The following CPEB2 variants were observed in gnomAD, a reference collection of about 807,000 sequenced individuals.
The protein encoded by CPEB2 is cytoplasmic polyadenylation element-binding protein 2.
In CPEB2, 56 loss-of-function variants were observed where a neutral mutation model predicts 93.6. That is an observed-to-expected ratio of 0.60 (90% CI 0.48 to 0.75). The LOEUF (loss-of-function observed/expected upper bound fraction) is 0.75, where lower values mean the gene tolerates loss of function less well. Among genes scored for constraint, CPEB2 ranks in the 30% least tolerant of loss-of-function variants. CPEB2 has a pLI of 0.00. For missense variants in CPEB2, 1,579 were observed against 1,395.1 expected, an observed-to-expected ratio of 1.13 and a Z score of -2.10; for synonymous variants, 764 against 586.3, an observed-to-expected ratio of 1.30 and a Z score of -4.38.
At position 15,003,794 on chromosome 4, in the gene CPEB2, CGCCGCT is replaced by C. The variant is rs1722365534; in HGVS notation, c.1125_1130del (p.Leu376_Pro377del). 1 of 1,052,530 alleles carries C rather than the reference CGCCGCT, an allele frequency of 9.5e-7. No homozygotes were observed. The highest frequency in any genetic ancestry group is 1.2e-6 in the Non-Finnish European group (1 of 838,708). The allele number at this position is 1,052,530 out of a possible 1,614,324, so 65.2% of individuals were successfully genotyped here. ...GGGGGAGGCGGCTCCGCGTCGCCGC[CGCCGCT>C]GCCCGGCTTCGGCACCCCCTGGTCG... On this transcript the variant is annotated inframe_deletion, in exon 1 of 12. Transcript: ENST00000538197.
At chr4:15,038,850 A>G (rs1304892582) in intron 5 of CPEB2, among the ~76,000 whole-genome samples, 2 of 152,016 alleles carry the variant, frequency 1.3e-5, no homozygotes, top group Non-Finnish European at 2.9e-5. Flanking sequence ...CAGCTTCCCA[A>G]AGTGCTGGGA....
intron 4 of CPEB2, among the ~76,000 whole-genome samples, chr4:15,031,789 T>C (rs934720052): frequency 1.3e-5 from 2 of 152,202 alleles, no homozygotes; most frequent in African/African-American, 4.8e-5. Context: ...AATTGGATTA[T>C]TTTTGCCACT....
chr4:15,011,884 T>C (rs1723535740), intron 3 of CPEB2, among the ~76,000 whole-genome samples: 1 of 152,190 alleles, frequency 6.6e-6, no homozygotes, highest in African/African-American at 2.4e-5. Context: ...TTTTTGCTCT[T>C]CCACAAGCTC....
intron 3 of CPEB2, among the ~76,000 whole-genome samples, chr4:15,015,721 G>A (rs1418313190): frequency 6.6e-6 from 1 of 151,922 alleles, no homozygotes; most frequent in African/African-American, 2.4e-5. Flanking sequence ...GTACACACTA[G>A]TCCCCCCTTA....
chr4:15,052,549 T>C lies in CPEB2; in HGVS notation c.2336T>C (p.Val779Ala). 6.4e-7 allele frequency: 1 copy of C among 1,559,228 alleles called. No individual in the cohort carries two copies. The highest frequency in any genetic ancestry group is 1.2e-5 in the South Asian group (1 of 83,628). ...GERIERFSRK[V>A]FVGGLPPDID... ...CGAATAGAACGCTTCTCTCGAAAAGTTTTTGTTGGTGGTCTTCCTCCAGAT... is the reference window on the plus strand; with the variant it reads ...CGAATAGAACGCTTCTCTCGAAAAGCTTTTGTTGGTGGTCTTCCTCCAGAT... Residue 779 changes from valine to alanine, a missense_variant, in exon 7 of 12, where the codon GTT (valine) becomes GCT (alanine). Val to Ala is a moderately conservative substitution (Grantham distance 64). Around this residue, in one of 2 missense-constraint regions of CPEB2, gnomAD observed 168 missense variants for 339.1 expected, o/e 0.50. Transcript: ENST00000538197.
intron 4 of CPEB2, among the ~76,000 whole-genome samples, chr4:15,019,192 AAAG>A (rs1273046551): frequency 7.2e-5 from 11 of 151,782 alleles, no homozygotes; most frequent in African/African-American, 2.4e-4. Flanking sequence ...AGTAGAGAAA[AAAG>A]AAAAAAATCG....
chr4:15,004,725 G>T (rs1001354220), intron 1 of CPEB2, among the ~76,000 whole-genome samples: 1 of 151,868 alleles, frequency 6.6e-6, no homozygotes, highest in African/African-American at 2.4e-5. Context: ...CCCGGGATCC[G>T]CCCTGTGCCC....
At chr4:15,045,033 A>T (rs1427456041) in intron 6 of CPEB2, among the ~76,000 whole-genome samples, 2 of 152,192 alleles carry the variant, frequency 1.3e-5, no homozygotes, top group East Asian at 3.8e-4. Flanking sequence ...ATAGTTAAGA[A>T]TATCTCCTGT....
intron 4 of CPEB2, among the ~76,000 whole-genome samples, chr4:15,030,497 T>C (rs1232138676): frequency 6.6e-6 from 1 of 152,138 alleles, no homozygotes. Context: ...ATAGAAAAGC[T>C]CCTGGCTCAG....
rs1298999024 is a variant in CPEB2 at position 15,066,334 on chromosome 4, A to G, written c.3059A>G (p.Lys1020Arg). ...CGTGAGTTCCATAAGCCATTGGTAAAGGAAGGTGCTGATCGCCCACGTCAG... is the reference window on the plus strand; with the variant it reads ...CGTGAGTTCCATAAGCCATTGGTAAGGGAAGGTGCTGATCGCCCACGTCAG... The part of the protein sequence containing the change: ...AGREFHKPLV[K>R]EGADRPRQIH... Residue 1020 changes from lysine to arginine, a missense_variant, in exon 12 of 12, where the codon AAG (lysine) becomes AGG (arginine). Coordinates refer to ENST00000538197, the MANE Select transcript of CPEB2 (RefSeq NM_001177382.2). The G allele has an allele frequency of 6.2e-7, 1 of 1,613,034 alleles. No individual in the cohort carries two copies.
At position 15,003,999 on chromosome 4, in the gene CPEB2, C is replaced by T. The variant is rs1722415001; in HGVS notation, c.1326C>T (p.Ser442=). The T allele has an allele frequency of 1.3e-6, 2 of 1,543,986 alleles. No individual in the cohort carries two copies. Among genetic ancestry groups the T allele is most frequent in the East Asian group, 2.7e-5 (1 of 36,948 alleles). Residue 442 remains serine, a synonymous_variant, in exon 1 of 12, where the codon AGC becomes AGT. Transcript: ENST00000538197. ...CGCTCAGCGCCATGCCGCCGCCCAG[C>T]CCCGACTCAGAGAACGGCTTCTACC... The part of the protein sequence containing the change: ...GGSLSAMPPP[S]PDSENGFYPG...
In CPEB2 at chr4:15,070,009, C is replaced by T. The variant is rs1030597532; in HGVS notation, c.*3629C>T. On this transcript the variant is annotated 3_prime_UTR_variant, in exon 12 of 12. Coordinates refer to ENST00000538197, the MANE Select transcript of CPEB2 (RefSeq NM_001177382.2). ...TTTAGTTTATTTTATTGTTATCTTC[C>T]AGGTGTCTAAATCTCCAGTCTGTCT... The T allele has an allele frequency of 2.6e-5, 4 of 151,978 alleles. No homozygotes were observed. Among genetic ancestry groups the T allele is most frequent in the African/African-American group, 7.3e-5 (3 of 41,292 alleles). 9.4% of individuals were successfully genotyped at this position (151,978 alleles called of 1,614,324 possible). A position where few individuals can be genotyped will look rare whatever the true frequency, so the allele number is the denominator to read the frequency against.
Position 15,066,233 on chromosome 4 carries a change from C to T in CPEB2, c.2958C>T (p.Pro986=), listed in dbSNP as rs747876493. The part of the protein sequence containing the change: ...QGARCGGKFA[P]FFCANVTCLQ... ...CACGCTGTGGTGGAAAATTTGCTCC[C>T]TTTTTTTGTGCCAATGTCACTTGCC... is the stretch of plus-strand genomic sequence containing the variant. Residue 986 remains proline, a synonymous_variant, in exon 12 of 12, where the codon CCC becomes CCT. Transcript: ENST00000538197. 6.8e-6 allele frequency: 11 copies of T among 1,613,268 alleles called. No individual in the cohort carries two copies. Among genetic ancestry groups the T allele is most frequent in the Non-Finnish European group, 8.5e-6 (10 of 1,179,626 alleles).
chr4:15,045,784 C>G (rs974831330), intron 6 of CPEB2, among the ~76,000 whole-genome samples: 1 of 151,970 alleles, frequency 6.6e-6, no homozygotes, highest in African/African-American at 2.4e-5. Flanking sequence ...TGGTAAGAGC[C>G]TTAGGAATAA....
At chr4:15,040,832 C>T (rs948363080) in intron 6 of CPEB2, among the ~76,000 whole-genome samples, 5 of 152,104 alleles carry the variant, frequency 3.3e-5, no homozygotes, top group Non-Finnish European at 5.9e-5. Context: ...GATTTTTCTG[C>T]TCTCTAAATG....
Position 15,058,498 on chromosome 4 carries a change from CTCTA to C in CPEB2, c.2543_2546del (p.Tyr848CysfsTer20). 1 of 1,611,346 alleles carries C rather than the reference CTCTA, an allele frequency of 6.2e-7. No homozygotes were observed. The highest frequency in any genetic ancestry group is 8.5e-7 in the Non-Finnish European group (1 of 1,177,694). Reference sequence around the variant, plus strand: ...TGCTTGTATTGAAGAAGATGGAAAACTCTATCTGTGTGTTTCTAGCCCTACTATC... The same window carrying C: ...TGCTTGTATTGAAGAAGATGGAAAACTCTGTGTGTTTCTAGCCCTACTATC... On this transcript the variant is annotated frameshift_variant, in exon 9 of 12. Transcript: ENST00000538197. LOFTEE classifies it high-confidence loss of function.
At chr4:15,059,493 T>A (rs1729003134) in intron 10 of CPEB2, among the ~76,000 whole-genome samples, 192 bp downstream of exon 10, 1 of 152,138 alleles carries the variant, frequency 6.6e-6, no homozygotes, top group Non-Finnish European at 1.5e-5. Context: ...ACTCTCCAAC[T>A]GGAGAATTGG....
Position 15,033,190 on chromosome 4 carries a change from G to A in CPEB2, c.2155G>A (p.Asp719Asn). 1 of 1,601,408 alleles carries A rather than the reference G, an allele frequency of 6.2e-7. No homozygotes were observed. Among genetic ancestry groups the A allele is most frequent in the Non-Finnish European group, 8.5e-7 (1 of 1,169,792 alleles). The change falls in exon 5 of 12, where the codon GAC (aspartate) becomes AAC (asparagine). Residue 719 changes from aspartate (D) to asparagine (N), a missense_variant. Around this residue, in one of 2 missense-constraint regions of CPEB2, gnomAD observed 1,411 missense variants for 1,056.0 expected, o/e 1.34. Transcript: ENST00000538197. Reference protein sequence around the residue: ...GRLSYPHPGTDNLLMLNARSY... With the variant: ...GRLSYPHPGTNNLLMLNARSY... ...ATTGAGCTATCCACATCCAGGAACT[G>A]ACAATCTGTTGATGTTAAATGGTAA...
chr4:15,039,733 A>G (rs770294781), intron 5 of CPEB2, among the ~76,000 whole-genome samples: 1 of 152,054 alleles, frequency 6.6e-6, no homozygotes, highest in Admixed American at 6.5e-5. Flanking sequence ...CTTTTATGGT[A>G]TTTAACATAT....
Sources: gnomAD v4.1 joint callset for allele counts (sites outside exome capture counted in the v4.1 genomes callset) on GRCh38, gnomAD v4.1.1 for gene constraint, gnomAD v4.1.1 regional missense constraint, MANE v1.5 for transcripts, NCBI Gene and HGNC (gene_info 2026-07-23, HGNC 2026-07-21) for gene names.